The following NLRP2 variants were observed in gnomAD, a reference collection of about 807,000 sequenced individuals.
NLRP2 encodes the protein NLR family pyrin domain containing 2, also known as NACHT, LRR and PYD domains-containing protein 2.
Under a neutral mutation model 97.2 loss-of-function variants are expected in NLRP2, and 107 were observed. The ratio of observed to expected loss-of-function variants is 1.10; its 90% CI spans 0.94 to 1.29. The LOEUF (loss-of-function observed/expected upper bound fraction) is 1.29. Ranked by LOEUF, NLRP2 falls within the 50% of genes most tolerant of loss-of-function variation. NLRP2 has a pLI of 0.00. For synonymous variants in NLRP2, 663 were observed against 551.5 expected, an observed-to-expected ratio of 1.20 and a Z score of -2.83; for missense variants, 1,495 against 1,330.3, an observed-to-expected ratio of 1.12 and a Z score of -1.93.
In NLRP2 at chr19:54,986,184, G is replaced by T. The variant is rs1568511709; in HGVS notation, c.2235G>T (p.Arg745=). 2 of 1,613,576 alleles carry T rather than the reference G, an allele frequency of 1.2e-6. No homozygotes were observed. Among genetic ancestry groups the T allele is most frequent in the Admixed American group, 3.3e-5 (2 of 59,980 alleles). The change falls in exon 8 of 13, where the codon CGG becomes CGT. Residue 745 remains arginine, a synonymous_variant. Transcript: ENST00000448584. ...FKNISPADAH[R]NLCLALRGHK... ...ACATTTCCCCAGCTGATGCTCATCGGAACCTCTGCCTAGCTCTTCGAGGTC... is the reference window on the plus strand; with the variant it reads ...ACATTTCCCCAGCTGATGCTCATCGTAACCTCTGCCTAGCTCTTCGAGGTC...
At chr19:54,976,106 T>C (rs1279687368) in intron 3 of NLRP2, among the ~76,000 whole-genome samples, 3 of 151,826 alleles carry the variant, frequency 2.0e-5, no homozygotes, top group Admixed American at 2.0e-4. Flanking sequence ...TGGAATGCAG[T>C]GGCATGATCT....
chr19:54,975,106 G>GTTTTTTTTTTTT lies in NLRP2; in HGVS notation c.325+588_325+599dup, dbSNP rs558518586. On this transcript the variant is annotated intron_variant, in intron 3 of 12. Coordinates refer to ENST00000448584, the MANE Select transcript of NLRP2 (RefSeq NM_017852.5). Reference sequence around the variant, plus strand: ...ATGAGCCACCACCACACCCGGTTTTGTTTTTTTTTTTTTTTTTTTTTTTTT... The same window carrying GTTTTTTTTTTTT: ...ATGAGCCACCACCACACCCGGTTTTGTTTTTTTTTTTTTTTTTTTTTTTTTTTTTTTTTTTTT... 3.5e-3 allele frequency among the ~76,000 whole-genome samples: 206 copies of GTTTTTTTTTTTT among 58,698 alleles called. 34 individuals are homozygous for GTTTTTTTTTTTT. The highest frequency in any genetic ancestry group is 5.3e-3 in the Non-Finnish European group (152 of 28,940). 38.5% of individuals were successfully genotyped at this position (58,698 alleles called of 152,430 possible). A position where few individuals can be genotyped will look rare whatever the true frequency, so the allele number is the denominator to read the frequency against.
intron 12 of NLRP2, among the ~76,000 whole-genome samples, chr19:54,999,903 A>G (rs1355345626): frequency 6.6e-6 from 1 of 151,924 alleles, no homozygotes; most frequent in African/African-American, 2.4e-5. Context: ...CACCCAACTA[A>G]CTTTTATATT....
At chr19:54,986,504 C>T (rs1234214632) in intron 8 of NLRP2, 189 bp downstream of exon 8, 2 of 635,676 alleles carry the variant, frequency 3.1e-6, no homozygotes, top group Non-Finnish European at 5.7e-6. Flanking sequence ...ACACCCTGGA[C>T]AACCATACGT....
chr19:54,980,208 T>C (rs1602346908), intron 4 of NLRP2, among the ~76,000 whole-genome samples: 1 of 24,944 alleles, frequency 4.0e-5, no homozygotes. Context: ...TTTTGTTTTG[T>C]TTTTTTTTTT....
At chr19:54,991,149 AATG>A (rs2072449397) in intron 10 of NLRP2, 1 of 180,994 alleles carries the variant, frequency 5.5e-6, no homozygotes, top group East Asian at 1.4e-4. Flanking sequence ...TTTTTTAATG[AATG>A]ATTTGCAAAT....
intron 11 of NLRP2, among the ~76,000 whole-genome samples, chr19:54,997,089 G>C (rs1483290863): frequency 6.6e-6 from 1 of 152,144 alleles, no homozygotes; most frequent in Non-Finnish European, 1.5e-5. Context: ...TGTATATTTA[G>C]TAGAGACACG....
Position 54,970,096 on chromosome 19 carries a change from G to T in NLRP2, c.81G>T (p.Lys27Asn). 4 of 1,614,100 alleles carry T rather than the reference G, an allele frequency of 2.5e-6. No homozygotes were observed. The East Asian group carries it at 8.9e-5, about 36-fold the overall frequency. The change falls in exon 2 of 13, where the codon AAG becomes AAT. Residue 27 changes from lysine (K) to asparagine (N), a missense_variant. Transcript: ENST00000448584. Reference sequence around the variant, plus strand: ...GCCAGGATGAGTTGAGCAAGTTCAAGTATCTGATCACGACCTTCTCCCTGG... The same window carrying T: ...GCCAGGATGAGTTGAGCAAGTTCAATTATCTGATCACGACCTTCTCCCTGG... The part of the protein sequence containing the change: ...QLSQDELSKF[K>N]YLITTFSLAH...
Position 54,983,924 on chromosome 19 carries a change from C to A in NLRP2, c.2030+196C>A, listed in dbSNP as rs140551179. 2.6e-5 allele frequency among the ~76,000 whole-genome samples: 4 copies of A among 152,302 alleles called. No individual in the cohort carries two copies. In the East Asian group the frequency reaches 7.7e-4, roughly 29 times the overall value. On this transcript the variant is annotated intron_variant, in intron 6 of 12. Coordinates refer to ENST00000448584, the MANE Select transcript of NLRP2 (RefSeq NM_017852.5). ...GGAGCGCAGTGGCGCGATCTTGGCT[C>A]CCTGCAACCTCCGCCTCCCGGGTTC... is the stretch of plus-strand genomic sequence containing the variant.
At chr19:54,975,342 G>A (rs775894) in intron 3 of NLRP2, among the ~76,000 whole-genome samples, 35,269 of 141,568 alleles carry the variant, frequency 0.25, 6,225 homozygotes, top group East Asian at 0.52. Context: ...GGCTGGCCTC[G>A]AATTACTAAA....
In NLRP2 at chr19:54,974,764, G is replaced by A. The variant is rs542001404; in HGVS notation, c.325+220G>A. On this transcript the variant is annotated intron_variant, in intron 3 of 12. Coordinates refer to ENST00000448584, the MANE Select transcript of NLRP2 (RefSeq NM_017852.5). ...GAAATCTATAAATACATACAAAGCG[G>A]GGAAGGGTAAGCTTGGCCTTTGAAT... 3.9e-5 allele frequency among the ~76,000 whole-genome samples: 6 copies of A among 152,236 alleles called. No homozygotes were observed. In the South Asian group the frequency reaches 1.0e-3, roughly 26 times the overall value.
At position 54,983,368 on chromosome 19, in the gene NLRP2, C is replaced by G. The variant is rs149824323; in HGVS notation, c.1670C>G (p.Ser557Cys). 3 of 1,614,104 alleles carry G rather than the reference C, an allele frequency of 1.9e-6. No individual in the cohort carries two copies. In the Admixed American group the frequency reaches 5.0e-5, roughly 27 times the overall value. Residue 557 changes from serine (S) to cysteine (C), a missense_variant, in exon 6 of 13, where the codon TCC becomes TGC. Coordinates refer to ENST00000448584, the MANE Select transcript of NLRP2 (RefSeq NM_017852.5). ...GACCTGATCCAAGCAGGCTACTACT[C>G]CTTTGGCCTCGCTAACGAGAAGAGA... ...NPDLIQAGYY[S>C]FGLANEKRAK...
At chr19:54,990,712 G>A in intron 10 of NLRP2, 40 bp downstream of exon 10, 1 of 1,602,382 alleles carries the variant, frequency 6.2e-7, no homozygotes, top group East Asian at 2.2e-5. Flanking sequence ...GGGTGTATAT[G>A]CACACGCCCC....
chr19:54,971,936 C>A (rs565456418), intron 2 of NLRP2, among the ~76,000 whole-genome samples: 1 of 151,802 alleles, frequency 6.6e-6, no homozygotes, highest in Non-Finnish European at 1.5e-5. Context: ...TCAAGCGATT[C>A]TCCTGCCTCA....
chr19:54,987,665 C>T (rs2072184178), intron 8 of NLRP2, among the ~76,000 whole-genome samples: 1 of 151,190 alleles, frequency 6.6e-6, no homozygotes, highest in Non-Finnish European at 1.5e-5. Context: ...TCATTTGAAC[C>T]TGAGAGGCGG....
intron 10 of NLRP2, among the ~76,000 whole-genome samples, chr19:54,992,336 AT>A (rs1222199172): frequency 6.6e-6 from 1 of 151,964 alleles, no homozygotes; most frequent in Non-Finnish European, 1.5e-5. Context: ...CTTAAATTTA[AT>A]GACATATTCA....
At chr19:54,997,560 C>A in intron 12 of NLRP2, 73 bp downstream of exon 12, 1 of 1,470,856 alleles carries the variant, frequency 6.8e-7, no homozygotes, top group Non-Finnish European at 9.5e-7. Flanking sequence ...TGACATGGAC[C>A]TGCTGTAGGA....
At chr19:54,990,977 C>T (rs1602413514) in intron 10 of NLRP2, 1 of 426,426 alleles carries the variant, frequency 2.3e-6, no homozygotes, top group East Asian at 4.5e-5. Context: ...GTCTCAAACT[C>T]CTGAGCTCAA....
chr19:54,983,583 TCC>T lies in NLRP2; in HGVS notation c.1887_1888del (p.Leu630AlafsTer40). 1 of 1,614,140 alleles carries T rather than the reference TCC, an allele frequency of 6.2e-7. No individual in the cohort carries two copies. Among genetic ancestry groups the T allele is most frequent in the South Asian group, 1.1e-5 (1 of 91,074 alleles). ...KEVMAQFKEI[S>X]LHLNAVDVVP... is the part of the protein sequence containing the mutation. ...GGTGATGGCTCAGTTCAAAGAAATATCCCTGCACTTAAATGCAGTAGACGTTG... is the reference window on the plus strand; with the variant it reads ...GGTGATGGCTCAGTTCAAAGAAATATCTGCACTTAAATGCAGTAGACGTTG... On this transcript the variant is annotated frameshift_variant, in exon 6 of 13. Transcript: ENST00000448584. LOFTEE classifies it high-confidence loss of function.
Sources: allele counts gnomAD v4.1 joint callset (sites outside exome capture counted in the v4.1 genomes callset), GRCh38; gene constraint gnomAD v4.1.1; transcripts MANE v1.5; gene names NCBI Gene and HGNC (gene_info 2026-07-23, HGNC 2026-07-21).